The following POGK variants were observed in gnomAD, a reference collection of about 807,000 sequenced individuals.
The protein encoded by POGK is pogo transposable element with KRAB domain.
A neutral mutation model predicts 54.4 loss-of-function variants in POGK; 16 were observed. The observed-to-expected ratio is 0.29, with a 90% confidence interval of 0.20 to 0.45. The LOEUF is 0.45. POGK is among the 20% of genes least tolerant of loss of function. The pLI, the probability that POGK is intolerant of heterozygous loss-of-function variation, is 1.00. For synonymous variants in POGK, 271 were observed against 302.2 expected (o/e 0.90, Z 1.07); for missense variants, 515 against 795.6 (o/e 0.65, Z 4.24).
chr1:166,851,780 A>G (rs1307188071), intron 5 of POGK: 2 of 152,230 alleles, frequency 1.3e-5, no homozygotes, highest in Non-Finnish European at 2.9e-5. Context: ...TTTACAGAGG[A>G]CCTGAAACCG....
rs1571223881 is a variant in POGK at position 166,846,609 on chromosome 1, C to T, written c.133-3C>T. On this transcript the variant is annotated splice_region_variant and splice_polypyrimidine_tract_variant and intron_variant, in intron 2 of 5. Transcript: ENST00000367876. ...ATTGTGAAAGGGCTGTTCACTCTTCCAGGTACCGGCCCTATTTGATGAGGT... is the reference window on the plus strand; with the variant it reads ...ATTGTGAAAGGGCTGTTCACTCTTCTAGGTACCGGCCCTATTTGATGAGGT... 2 of 1,614,090 alleles carry T rather than the reference C, an allele frequency of 1.2e-6. No homozygotes were observed. Among genetic ancestry groups the T allele is most frequent in the Non-Finnish European group, 1.7e-6 (2 of 1,180,004 alleles).
At chr1:166,852,353 A>G (rs1346449531) in intron 5 of POGK, 1 of 152,230 alleles carries the variant, frequency 6.6e-6, no homozygotes, top group Non-Finnish European at 1.5e-5. Flanking sequence ...TTGGCCTGTA[A>G]TATTGGTCAT....
chr1:166,839,512 A>C lies in POGK; in HGVS notation c.-95A>C, dbSNP rs1657376849. 1 of 151,182 alleles carries C rather than the reference A, an allele frequency of 6.6e-6. No individual in the cohort carries two copies. The highest frequency in any genetic ancestry group is 2.4e-5 in the African/African-American group (1 of 41,198). 9.4% of individuals were successfully genotyped at this position (151,182 alleles called of 1,614,324 possible). Reference sequence around the variant, plus strand: ...CGCTCCCTCCCGAGGGGCCGCGCGCACGGGAGGACGGAGAGGCGGAAAGGA... The same window carrying C: ...CGCTCCCTCCCGAGGGGCCGCGCGCCCGGGAGGACGGAGAGGCGGAAAGGA... On this transcript the variant is annotated 5_prime_UTR_variant, in exon 1 of 6. Coordinates refer to ENST00000367876, the MANE Select transcript of POGK (RefSeq NM_017542.5).
At chr1:166,847,372 T>G in intron 3 of POGK, 122 bp from the exon 4 acceptor site, 1 of 682,414 alleles carries the variant, frequency 1.5e-6, no homozygotes, top group East Asian at 2.8e-5. Flanking sequence ...TCCCTGAGCC[T>G]TTTTCCCCTT....
intron 1 of POGK, 65 bp downstream of exon 1, chr1:166,839,669 C>G (rs1365057563): frequency 1.4e-5 from 2 of 142,268 alleles, no homozygotes; most frequent in East Asian, 4.2e-4. Context: ...GCGGCTGGGC[C>G]GCGGCAGAGG....
At chr1:166,845,117 G>A (rs1483943990) in intron 2 of POGK, among the ~76,000 whole-genome samples, 1 of 152,074 alleles carries the variant, frequency 6.6e-6, no homozygotes, top group African/African-American at 2.4e-5. Flanking sequence ...TTGGGGTCAG[G>A]CGGTGGTGGC....
Position 166,841,072 on chromosome 1 carries a change from GCT to G in POGK, c.119_120del (p.Ser40Ter). ...GCAGACATGCAGAAAGTACGAATCT[GCT>G]CTGAGGGCGGATGGGTAAGTAAGAA... On this transcript the variant is annotated frameshift_variant, in exon 2 of 6. Coordinates refer to ENST00000367876, the MANE Select transcript of POGK (RefSeq NM_017542.5). LOFTEE classifies it high-confidence loss of function. 6.2e-7 allele frequency: 1 copy of G among 1,613,910 alleles called. No homozygotes were observed. Among genetic ancestry groups the G allele is most frequent in the South Asian group, 1.1e-5 (1 of 91,070 alleles).
At chr1:166,851,033 A>C (rs1219613549) in intron 5 of POGK, 1 of 152,270 alleles carries the variant, frequency 6.6e-6, no homozygotes, top group Non-Finnish European at 1.5e-5. Flanking sequence ...AGAACATCTG[A>C]GAGCTGTAAA....
chr1:166,840,894 C>A, intron 1 of POGK, 61 bp from the exon 2 acceptor site: 1 of 1,595,632 alleles, frequency 6.3e-7, no homozygotes, highest in Non-Finnish European at 8.6e-7. Context: ...CCTCCCCCAT[C>A]ATAGGCTTTG....
At chr1:166,850,540 GT>G in intron 5 of POGK, 117 bp downstream of exon 5, 1 of 1,218,864 alleles carries the variant, frequency 8.2e-7, no homozygotes, top group Non-Finnish European at 1.1e-6. Flanking sequence ...GTGCAGTAGT[GT>G]AGATCAGGGG....
Position 166,853,812 on chromosome 1 carries a change from T to C in POGK, c.*1242T>C, listed in dbSNP as rs190241404. ...GGCATCTTGAAACACCTATTTCTAC[T>C]CAGGTACTCATTGTCCTGTTACTGA... On this transcript the variant is annotated 3_prime_UTR_variant, in exon 6 of 6. Coordinates refer to ENST00000367876, the MANE Select transcript of POGK (RefSeq NM_017542.5). The C allele has an allele frequency of 6.6e-6, 1 of 152,216 alleles. No homozygotes were observed. The highest frequency in any genetic ancestry group is 1.5e-5 in the Non-Finnish European group (1 of 67,950). The allele number at this position is 152,216 out of a possible 1,614,324, so 9.4% of individuals were successfully genotyped here. A position where few individuals can be genotyped will look rare whatever the true frequency, so the allele number is the denominator to read the frequency against.
chr1:166,847,622 T>A (rs1380000090), intron 4 of POGK, 30 bp downstream of exon 4: 1 of 1,547,192 alleles, frequency 6.5e-7, no homozygotes, highest in Non-Finnish European at 8.9e-7. Flanking sequence ...TCAGCGTCCA[T>A]CCAGCTGGGA....
At chr1:166,840,172 C>T (rs962838148) in intron 1 of POGK, 10 of 152,300 alleles carry the variant, frequency 6.6e-5, no homozygotes, top group African/African-American at 2.4e-4. Context: ...GATGCATCCG[C>T]ACTCCACACC....
rs533683388 is a variant in POGK, at chr1:166,853,810, A to G, written c.*1240A>G. 8.0e-4 allele frequency: 121 copies of G among 151,924 alleles called. No homozygotes were observed. Among genetic ancestry groups the G allele is most frequent in the African/African-American group, 2.9e-3 (118 of 41,296 alleles). The allele number at this position is 151,924 out of a possible 1,614,324, so 9.4% of individuals were successfully genotyped here. On this transcript the variant is annotated 3_prime_UTR_variant, in exon 6 of 6. Coordinates refer to ENST00000367876, the MANE Select transcript of POGK (RefSeq NM_017542.5). ...TTGGCATCTTGAAACACCTATTTCT[A>G]CTCAGGTACTCATTGTCCTGTTACT...
rs1226333747 is a variant in POGK at position 166,854,672 on chromosome 1, CATAA to C, written c.*2106_*2109del. The C allele has an allele frequency of 6.6e-6, 1 of 152,186 alleles. No individual in the cohort carries two copies. The highest frequency in any genetic ancestry group is 6.5e-5 in the Admixed American group (1 of 15,284). 9.4% of individuals were successfully genotyped at this position (152,186 alleles called of 1,614,324 possible). ...AACGTGTGCAGTGGGGCAAGTTTGA[CATAA>C]ATAGCTTTTTTCCTCAGTCATGTTT... On this transcript the variant is annotated 3_prime_UTR_variant, in exon 6 of 6. Transcript: ENST00000367876.
chr1:166,851,520 A>C (rs1009455346), intron 5 of POGK: 1 of 152,230 alleles, frequency 6.6e-6, no homozygotes, highest in East Asian at 1.9e-4. Context: ...ATAGGCCTGG[A>C]ATTTTCTGGG....
chr1:166,855,298 T>C lies in POGK; in HGVS notation c.*2728T>C, dbSNP rs930276005. 1.3e-5 allele frequency: 2 copies of C among 152,218 alleles called. No homozygotes were observed. The highest frequency in any genetic ancestry group is 6.5e-5 in the Admixed American group (1 of 15,290). The allele number at this position is 152,218 out of a possible 1,614,324, so 9.4% of individuals were successfully genotyped here. On this transcript the variant is annotated 3_prime_UTR_variant, in exon 6 of 6. Transcript: ENST00000367876. ...AAGTTTTATTCTAAGTCTGAAATTA[T>C]ATGGTTTCCAACAGCTTTTTCCCTC... is the stretch of plus-strand genomic sequence containing the variant.
intron 2 of POGK, among the ~76,000 whole-genome samples, chr1:166,844,191 C>G (rs1452296198): frequency 6.6e-6 from 1 of 152,212 alleles, no homozygotes; most frequent in Non-Finnish European, 1.5e-5. Flanking sequence ...CAGCTTTCTT[C>G]CTGCAGCTTC....
At chr1:166,852,220 CCTT>C (rs896627347) in intron 5 of POGK, 2 of 152,212 alleles carry the variant, frequency 1.3e-5, no homozygotes, top group African/African-American at 4.8e-5. Context: ...TTTTCCCTCT[CCTT>C]GTTAGATAAC....
Sources: allele counts gnomAD v4.1 joint callset (sites outside exome capture counted in the v4.1 genomes callset), GRCh38; gene constraint gnomAD v4.1.1; transcripts MANE v1.5; gene names NCBI Gene and HGNC (gene_info 2026-07-23, HGNC 2026-07-21).